The following GPR22 variants were observed in gnomAD, a reference collection of about 807,000 sequenced individuals.
GPR22 encodes G protein-coupled receptor 22.
In GPR22, 13 loss-of-function variants were observed where a neutral mutation model predicts 31.0. The ratio of observed to expected loss-of-function variants is 0.42; its 90% CI spans 0.27 to 0.67. The LOEUF (loss-of-function observed/expected upper bound fraction) is 0.67, where lower values mean the gene tolerates loss of function less well. GPR22 is among the 30% of genes least tolerant of loss of function. The pLI is 0.25. For missense variants in GPR22, 368 were observed against 509.6 expected (o/e 0.72, Z 2.67); for synonymous variants, 191 against 173.4 (o/e 1.10, Z -0.80).
chr7:107,475,462 A>G lies in GPR22; in HGVS notation c.*100A>G. 3.3e-6 allele frequency: 2 copies of G among 603,836 alleles called. No individual in the cohort carries two copies. The highest frequency in any genetic ancestry group is 5.2e-5 in the South Asian group (2 of 38,370). The allele number at this position is 603,836 out of a possible 1,614,324, so 37.4% of individuals were successfully genotyped here. A position where few individuals can be genotyped will look rare whatever the true frequency, so the allele number is the denominator to read the frequency against. On this transcript the variant is annotated 3_prime_UTR_variant, in exon 3 of 3. Transcript: ENST00000304402. ...CAAATATAAGAAAAATATTTTAAGT[A>G]TTGGTTATGTTGTAAATTTTCAATG...
downstream of GPR22, among the ~76,000 whole-genome samples, chr7:107,477,148 C>T (rs189041638): frequency 6.6e-6 from 1 of 151,558 alleles, no homozygotes; most frequent in Non-Finnish European, 1.5e-5. Flanking sequence ...AGAAAATTTT[C>T]GTTTAGTAAA....
At chr7:107,472,948 TA>T (rs1263158676) in intron 2 of GPR22, 1 of 151,916 alleles carries the variant, frequency 6.6e-6, no homozygotes, top group African/African-American at 2.4e-5. Context: ...CATTAGACAT[TA>T]TTTTTTACAA....
At chr7:107,472,631 C>G (rs972828309) in intron 2 of GPR22, 6 of 151,976 alleles carry the variant, frequency 3.9e-5, no homozygotes, top group African/African-American at 1.4e-4. Flanking sequence ...TTAGCTAAGA[C>G]CTTAACTTAC....
rs766766462 is a variant in GPR22 at position 107,474,885 on chromosome 7, T to C, written c.825T>C (p.Ser275=). Reference sequence around the variant, plus strand: ...AGGCTACAGACATGTCACAAAGCAGTGGTGGGAGAAATGTAGTCTTTGGTG... The same window carrying C: ...AGGCTACAGACATGTCACAAAGCAGCGGTGGGAGAAATGTAGTCTTTGGTG... ...QHEATDMSQS[S]GGRNVVFGVR... Residue 275 remains serine, a synonymous_variant, in exon 3 of 3, where the codon AGT becomes AGC. Coordinates refer to ENST00000304402, the MANE Select transcript of GPR22 (RefSeq NM_005295.3). The surrounding 1 kb of genome is among the most constrained non-coding windows in gnomAD (Gnocchi z 5.7). 3 of 1,613,086 alleles carry C rather than the reference T, an allele frequency of 1.9e-6. No homozygotes were observed. Among genetic ancestry groups the C allele is most frequent in the Non-Finnish European group, 2.5e-6 (3 of 1,179,500 alleles).
chr7:107,473,302 G>A (rs961724968), intron 2 of GPR22, among the ~76,000 whole-genome samples: 23 of 151,570 alleles, frequency 1.5e-4, no homozygotes, highest in Admixed American at 8.6e-4. Flanking sequence ...CATTTCATAG[G>A]AGTGATTAAT....
At position 107,474,966 on chromosome 7, in the gene GPR22, T is replaced by C. The variant is rs1359243445; in HGVS notation, c.906T>C (p.Arg302=). The C allele has an allele frequency of 2.5e-6, 4 of 1,612,432 alleles. No homozygotes were observed. Among genetic ancestry groups the C allele is most frequent in the Non-Finnish European group, 2.5e-6 (3 of 1,179,250 alleles). ...TCCGGCGAGCTGTGAAACGACACCG[T>C]GAACGACGAGAAAGACAAAAGAGAG... ...IALRRAVKRH[R]ERRERQKRVF... The change falls in exon 3 of 3, where the codon CGT becomes CGC. Residue 302 remains arginine, a synonymous_variant. Coordinates refer to ENST00000304402, the MANE Select transcript of GPR22 (RefSeq NM_005295.3). The surrounding 1 kb of genome is among the most constrained non-coding windows in gnomAD (Gnocchi z 5.7).
At chr7:107,476,649 T>C (rs1263949346), downstream of GPR22, among the ~76,000 whole-genome samples, 2 of 151,710 alleles carry the variant, frequency 1.3e-5, no homozygotes, top group Non-Finnish European at 3.0e-5. Context: ...TAATAATCTA[T>C]CGATAAGTGT....
downstream of GPR22, among the ~76,000 whole-genome samples, chr7:107,477,202 C>G (rs1409037349): frequency 6.6e-6 from 1 of 151,432 alleles, no homozygotes; most frequent in African/African-American, 2.4e-5. Context: ...TTATTTTTTA[C>G]CCCAGGAAAT....
chr7:107,474,032 T>C lies in GPR22; in HGVS notation c.-26-3T>C. 1.7e-6 allele frequency: 2 copies of C among 1,191,842 alleles called. No individual in the cohort carries two copies. Among genetic ancestry groups the C allele is most frequent in the Non-Finnish European group, 2.4e-6 (2 of 833,164 alleles). The allele number at this position is 1,191,842 out of a possible 1,614,324, so 73.8% of individuals were successfully genotyped here. A position where few individuals can be genotyped will look rare whatever the true frequency, so the allele number is the denominator to read the frequency against. Reference sequence around the variant, plus strand: ...AAATAGTTTATTCTATTTCACTTTCTAGGGAAAAAAACCAACTGCTCCAAA... The same window carrying C: ...AAATAGTTTATTCTATTTCACTTTCCAGGGAAAAAAACCAACTGCTCCAAA... On this transcript the variant is annotated splice_region_variant and splice_polypyrimidine_tract_variant and intron_variant, in intron 2 of 2. Transcript: ENST00000304402. The surrounding 1 kb of genome is among the most constrained non-coding windows in gnomAD (Gnocchi z 5.7).
Position 107,475,254 on chromosome 7 carries a change from T to C in GPR22, c.1194T>C (p.Asn398=), listed in dbSNP as rs1412126264. The change falls in exon 3 of 3, where the codon AAT becomes AAC. Residue 398 remains asparagine, a synonymous_variant. Transcript: ENST00000304402. ...TAGAAGCTGATCCCCTGCCTAATAA[T>C]GCTGTAATACACAACTCTTGGATAG... ...SIVEADPLPN[N]AVIHNSWIDP... is the part of the protein sequence containing the mutation. 6.2e-7 allele frequency: 1 copy of C among 1,604,714 alleles called. No homozygotes were observed. The highest frequency in any genetic ancestry group is 8.5e-7 in the Non-Finnish European group (1 of 1,171,906).
At chr7:107,473,916 T>C (rs1477143386) in intron 2 of GPR22, 119 bp from the exon 3 acceptor site, 9 of 518,564 alleles carry the variant, frequency 1.7e-5, no homozygotes, top group African/African-American at 3.9e-5. Context: ...TATTAATAGT[T>C]TACAAACTTA....
At chr7:107,470,512 T>TG (rs1796571242) in intron 1 of GPR22, 67 bp downstream of exon 1, 1 of 152,144 alleles carries the variant, frequency 6.6e-6, no homozygotes, top group Non-Finnish European at 1.5e-5. Context: ...AAAATTACTT[T>TG]GAAAAATTTC....
chr7:107,474,330 A>G lies in GPR22; in HGVS notation c.270A>G (p.Ile90Met), dbSNP rs776522088. Residue 90 changes from isoleucine to methionine, a missense_variant, in exon 3 of 3, where the codon ATA becomes ATG. Ile to Met is a conservative substitution (Grantham distance 10, BLOSUM62 1). Coordinates refer to ENST00000304402, the MANE Select transcript of GPR22 (RefSeq NM_005295.3). The surrounding 1 kb of genome is among the most constrained non-coding windows in gnomAD (Gnocchi z 5.7). ...ITMNLHVLDVIICVGCIPLTI... is the reference protein window; with the variant it reads ...ITMNLHVLDVMICVGCIPLTI... ...TGAATCTTCATGTACTTGATGTAAT[A>G]ATTTGTGTGGGATGTATTCCTCTAA... 20 of 1,611,902 alleles carry G rather than the reference A, an allele frequency of 1.2e-5. No homozygotes were observed. Among genetic ancestry groups the G allele is most frequent in the South Asian group, 4.4e-5 (4 of 91,030 alleles).
chr7:107,474,432 T>C lies in GPR22; in HGVS notation c.372T>C (p.Phe124=), dbSNP rs372374823. 247 of 1,613,234 alleles carry C rather than the reference T, an allele frequency of 1.5e-4. No individual in the cohort carries two copies. Among genetic ancestry groups the C allele is most frequent in the Non-Finnish European group, 2.1e-4 (242 of 1,179,514 alleles). ...GTTTCCATGAGGCTTGTGTATCTTTTGCAAGTGTCTCAACAGCAATCAACG... is the reference window on the plus strand; with the variant it reads ...GTTTCCATGAGGCTTGTGTATCTTTCGCAAGTGTCTCAACAGCAATCAACG... ...ICCFHEACVS[F]ASVSTAINVF... Residue 124 remains phenylalanine (F), a synonymous_variant, in exon 3 of 3, where the codon TTT becomes TTC. Coordinates refer to ENST00000304402, the MANE Select transcript of GPR22 (RefSeq NM_005295.3). The surrounding 1 kb of genome is among the most constrained non-coding windows in gnomAD (Gnocchi z 5.7).
downstream of GPR22, among the ~76,000 whole-genome samples, chr7:107,476,183 T>TAAAAAAAAAAAAAAAAAAAAA (rs1563056700): frequency 1.5e-3 from 128 of 86,312 alleles, 2 homozygotes; most frequent in Middle Eastern, 0.013. Context: ...TGCAATGATT[T>TAAAAAAAAAAAAAAAAAAAAA]TAAAAAAAAA....
downstream of GPR22, among the ~76,000 whole-genome samples, chr7:107,476,775 A>C (rs533773607): frequency 6.6e-6 from 1 of 151,724 alleles, no homozygotes; most frequent in Non-Finnish European, 1.5e-5. Flanking sequence ...CACTAAACCA[A>C]GTAGCAATTC....
chr7:107,476,135 T>C (rs1796964509), downstream of GPR22, among the ~76,000 whole-genome samples: 1 of 140,358 alleles, frequency 7.1e-6, no homozygotes, highest in East Asian at 2.2e-4. Flanking sequence ...CTTCCTCACT[T>C]TGCTTAAGTC....
At chr7:107,470,647 T>C (rs1796580301) in intron 1 of GPR22, among the ~76,000 whole-genome samples, 1 of 152,120 alleles carries the variant, frequency 6.6e-6, no homozygotes, top group African/African-American at 2.4e-5. Flanking sequence ...AATACAAATA[T>C]TCTTTGTAAA....
chr7:107,470,255 A>G lies in GPR22; in HGVS notation c.-1148A>G, dbSNP rs1260293384. ...ACTGCAGCAGCCTCTAAGCAGCACT[A>G]CATGTTCCATACATTAGCAGTACTG... On this transcript the variant is annotated 5_prime_UTR_variant, in exon 1 of 3. Coordinates refer to ENST00000304402, the MANE Select transcript of GPR22 (RefSeq NM_005295.3). The G allele has an allele frequency of 2.0e-5, 3 of 152,238 alleles. No homozygotes were observed. The highest frequency in any genetic ancestry group is 4.4e-5 in the Non-Finnish European group (3 of 68,044). The allele number at this position is 152,238 out of a possible 1,614,324, so 9.4% of individuals were successfully genotyped here. A position where few individuals can be genotyped will look rare whatever the true frequency, so the allele number is the denominator to read the frequency against.
Sources: allele counts gnomAD v4.1 joint callset (sites outside exome capture counted in the v4.1 genomes callset), GRCh38; gene constraint gnomAD v4.1.1; non-coding constraint Gnocchi (gnomAD v3.1); transcripts MANE v1.5; gene names NCBI Gene and HGNC (gene_info 2026-07-23, HGNC 2026-07-21).